ANKRD12: variants seen among roughly 807,000 people sequenced by gnomAD.
The protein encoded by ANKRD12 is ankyrin repeat domain 12.
A neutral mutation model predicts 183.4 loss-of-function variants in ANKRD12; 85 were observed. That is an observed-to-expected ratio of 0.46 (90% CI 0.39 to 0.56). The LOEUF (loss-of-function observed/expected upper bound fraction) is 0.56. ANKRD12 is among the 20% of genes least tolerant of loss of function. The pLI, the probability that ANKRD12 is intolerant of heterozygous loss-of-function variation, is 0.00. For synonymous variants in ANKRD12, 914 were observed against 800.2 expected (o/e 1.14, Z -2.40); for missense variants, 2,405 against 2,357.1 (o/e 1.02, Z -0.42).
chr18:9,200,617 A>G (rs1022086313), intron 3 of ANKRD12: 2 of 152,188 alleles, frequency 1.3e-5, no homozygotes, highest in Non-Finnish European at 2.9e-5. Flanking sequence ...GCCCCCTACG[A>G]GCACTGGCCC....
chr18:9,237,844 G>A (rs1423938334), intron 8 of ANKRD12, among the ~76,000 whole-genome samples: 3 of 152,032 alleles, frequency 2.0e-5, no homozygotes, highest in Admixed American at 6.6e-5. Context: ...AAGTACAGTC[G>A]GACACAATCA....
intron 2 of ANKRD12, among the ~76,000 whole-genome samples, chr18:9,185,313 A>G (rs74428008): frequency 0.028 from 4,204 of 152,312 alleles, 94 homozygotes; most frequent in Non-Finnish European, 0.038. Context: ...AAATATAAGT[A>G]GGAGGCAGTG....
chr18:9,194,293 C>T (rs1202130868), intron 2 of ANKRD12, among the ~76,000 whole-genome samples: 1 of 151,924 alleles, frequency 6.6e-6, no homozygotes, highest in Non-Finnish European at 1.5e-5. Context: ...TACTGCTAGT[C>T]AGGAAGCCAT....
intron 1 of ANKRD12, among the ~76,000 whole-genome samples, chr18:9,172,164 A>AT (rs1433126222): frequency 2.0e-5 from 3 of 151,294 alleles, no homozygotes; most frequent in African/African-American, 4.9e-5. Flanking sequence ...TGCCCTTAAC[A>AT]TTTTTTCTTT....
intron 3 of ANKRD12, among the ~76,000 whole-genome samples, chr18:9,198,336 A>C (rs781163219): frequency 1.1e-4 from 16 of 150,300 alleles, no homozygotes; most frequent in Non-Finnish European, 2.2e-4. Flanking sequence ...ATACATGAAA[A>C]AAATACATCA....
At chr18:9,205,812 G>A (rs2035455210) in intron 4 of ANKRD12, among the ~76,000 whole-genome samples, 2 of 152,104 alleles carry the variant, frequency 1.3e-5, no homozygotes, top group South Asian at 4.1e-4. Context: ...ATCTATATTT[G>A]AGTTGTGATT....
At chr18:9,275,214 C>G (rs994284329) in intron 10 of ANKRD12, among the ~76,000 whole-genome samples, 2 of 152,080 alleles carry the variant, frequency 1.3e-5, no homozygotes, top group African/African-American at 2.4e-5. Context: ...CCTGTAATCT[C>G]AGCACTTTGA....
At chr18:9,223,472 C>CA (rs960676383) in intron 8 of ANKRD12, among the ~76,000 whole-genome samples, 2 of 150,744 alleles carry the variant, frequency 1.3e-5, no homozygotes, top group Non-Finnish European at 3.0e-5. Flanking sequence ...AACCCAAAAC[C>CA]AAAAAAAATG....
chr18:9,227,676 C>G (rs1174594765), intron 8 of ANKRD12, among the ~76,000 whole-genome samples: 2 of 152,104 alleles, frequency 1.3e-5, no homozygotes, highest in Admixed American at 6.5e-5. Context: ...TGATTTTCCC[C>G]TTTTTTCACT....
In ANKRD12 at chr18:9,257,956, G is replaced by A. The variant is rs553843308; in HGVS notation, c.4689G>A (p.Val1563=). The A allele has an allele frequency of 3.0e-5, 49 of 1,613,956 alleles. No homozygotes were observed. In the South Asian group the frequency reaches 4.8e-4, roughly 16 times the overall value. Residue 1563 remains valine (V), a synonymous_variant, in exon 9 of 13, where the codon GTG becomes GTA. Coordinates refer to ENST00000262126, the MANE Select transcript of ANKRD12 (RefSeq NM_015208.5). Reference sequence around the variant, plus strand: ...AAAAAACAGATGCCTTTGTCCCAGTGTACTCTGACAGCACTATTCAAGAAG... The same window carrying A: ...AAAAAACAGATGCCTTTGTCCCAGTATACTCTGACAGCACTATTCAAGAAG... ...DVQKTDAFVP[V]YSDSTIQEAS...
In ANKRD12 at chr18:9,263,620, A is replaced by G. The variant is rs566737824; in HGVS notation, c.5665-170A>G. ...AATCAAAACATCTAAACTGTGCTCA[A>G]TGTTTCCAAACAGAAGTAACAATCA... On this transcript the variant is annotated intron_variant, in intron 9 of 12. Coordinates refer to ENST00000262126, the MANE Select transcript of ANKRD12 (RefSeq NM_015208.5). Among the ~76,000 whole-genome samples the G allele has an allele frequency of 3.2e-4, 49 of 152,324 alleles. 1 individual carries two copies. The highest frequency in any genetic ancestry group is 1.0e-3 in the African/African-American group (42 of 41,574).
intron 10 of ANKRD12, among the ~76,000 whole-genome samples, chr18:9,273,355 G>A (rs1407051659): frequency 6.6e-6 from 1 of 152,086 alleles, no homozygotes; most frequent in African/African-American, 2.4e-5. Flanking sequence ...GTGTGTCAGA[G>A]GTTTACAAGT....
chr18:9,163,235 G>T lies in ANKRD12; in HGVS notation c.-51-19147G>T, dbSNP rs2031654172. ...ATTTTTGTATAAATTGTAAGGAAGGGATCCAGTTTCAATTTTTTTGCATAT... is the reference window on the plus strand; with the variant it reads ...ATTTTTGTATAAATTGTAAGGAAGGTATCCAGTTTCAATTTTTTTGCATAT... On this transcript the variant is annotated intron_variant, in intron 1 of 12. Transcript: ENST00000262126. Among the ~76,000 whole-genome samples, 4 of 152,094 alleles carry T rather than the reference G, an allele frequency of 2.6e-5. No homozygotes were observed. The South Asian group carries it at 8.3e-4, about 31-fold the overall frequency.
intron 11 of ANKRD12, 111 bp downstream of exon 11, chr18:9,275,778 C>CA: frequency 9.0e-7 from 1 of 1,116,638 alleles, no homozygotes. Context: ...CATTAAAGGT[C>CA]AAAGAAGAAA....
intron 9 of ANKRD12, among the ~76,000 whole-genome samples, chr18:9,263,056 A>C (rs1026528613): frequency 6.6e-6 from 1 of 152,034 alleles, no homozygotes; most frequent in African/African-American, 2.4e-5. Flanking sequence ...TTGGCCTCCC[A>C]AAGTGCTGGG....
At chr18:9,192,166 A>G (rs186481118) in intron 2 of ANKRD12, among the ~76,000 whole-genome samples, 11 of 152,276 alleles carry the variant, frequency 7.2e-5, no homozygotes, top group Admixed American at 5.9e-4. Context: ...TAAAACCTAC[A>G]TTTTAAGTAA....
chr18:9,250,657 C>T (rs796101698), intron 8 of ANKRD12, among the ~76,000 whole-genome samples: 5 of 152,226 alleles, frequency 3.3e-5, no homozygotes, highest in African/African-American at 1.2e-4. Context: ...TAGGAGGCTG[C>T]AGTGAGCTAT....
intron 1 of ANKRD12, among the ~76,000 whole-genome samples, chr18:9,146,865 G>A (rs1302725794): frequency 6.6e-6 from 1 of 152,168 alleles, no homozygotes; most frequent in Admixed American, 6.5e-5. Context: ...GTTGGAGAGT[G>A]AGCAGGATAA....
intron 8 of ANKRD12, among the ~76,000 whole-genome samples, chr18:9,230,990 A>T (rs1002681770): frequency 6.6e-6 from 1 of 151,226 alleles, no homozygotes. Context: ...TGTTTCAAGA[A>T]TTTTTTTTAT....
Sources: gnomAD v4.1 joint callset for allele counts (sites outside exome capture counted in the v4.1 genomes callset) on GRCh38, gnomAD v4.1.1 for gene constraint, MANE v1.5 for transcripts, NCBI Gene and HGNC (gene_info 2026-07-23, HGNC 2026-07-21) for gene names.